ACVR2B: variants seen among roughly 807,000 people sequenced by gnomAD.
The protein encoded by ACVR2B is activin receptor type-2B.
Under a neutral mutation model 65.1 loss-of-function variants are expected in ACVR2B, and 18 were observed. That is an observed-to-expected ratio of 0.28 (90% CI 0.19 to 0.41). The LOEUF (loss-of-function observed/expected upper bound fraction) is 0.41, where lower values mean the gene tolerates loss of function less well. Among genes scored for constraint, ACVR2B ranks in the 10% least tolerant of loss-of-function variants. ACVR2B has a pLI of 1.00. For synonymous variants in ACVR2B, 298 were observed against 277.7 expected (o/e 1.07, Z -0.73); for missense variants, 482 against 682.7 (o/e 0.71, Z 3.28).
chr3:38,454,492 T>G, intron 1 of ACVR2B, 118 bp downstream of exon 1: 2 of 931,712 alleles, frequency 2.1e-6, no homozygotes, highest in Non-Finnish European at 2.8e-6. Flanking sequence ...CCACCTGTAT[T>G]CAGCCCTCAC....
chr3:38,469,183 G>GA (rs979474979), intron 1 of ACVR2B, among the ~76,000 whole-genome samples: 1 of 152,152 alleles, frequency 6.6e-6, no homozygotes, highest in Non-Finnish European at 1.5e-5. Context: ...AGAAATGCTG[G>GA]AAAAAGTATA....
intron 1 of ACVR2B, chr3:38,473,628 G>C (rs1709857157): frequency 6.6e-6 from 1 of 152,374 alleles, no homozygotes; most frequent in East Asian, 1.9e-4. Context: ...TGTAGGCATG[G>C]TGTGACTTGA....
In ACVR2B at chr3:38,478,156, C is replaced by G; in HGVS notation, c.386C>G (p.Pro129Arg). 2 of 1,612,170 alleles carry G rather than the reference C, an allele frequency of 1.2e-6. No homozygotes were observed. The highest frequency in any genetic ancestry group is 1.7e-6 in the Non-Finnish European group (2 of 1,179,816). Residue 129 changes from proline to arginine, a missense_variant, in exon 4 of 11, where the codon CCC becomes CGC. Transcript: ENST00000352511. ...TGTCCCCCAGTCACGTACGAGCCAC[C>G]CCCGACAGCCCCCACCCTGCTCACG... ...AGGPEVTYEP[P>R]PTAPTLLTVL...
chr3:38,470,105 G>A (rs1338890620), intron 1 of ACVR2B, among the ~76,000 whole-genome samples: 1 of 152,048 alleles, frequency 6.6e-6, no homozygotes, highest in African/African-American at 2.4e-5. Context: ...TAAGAGACTG[G>A]GCAGAATAAG....
intron 1 of ACVR2B, among the ~76,000 whole-genome samples, chr3:38,467,456 A>G (rs1216552540): frequency 6.6e-6 from 1 of 152,064 alleles, no homozygotes; most frequent in Non-Finnish European, 1.5e-5. Flanking sequence ...AAAAAAAAAA[A>G]AGGCAGACAA....
rs540158828 is a variant in ACVR2B at position 38,463,264 on chromosome 3, C to G, written c.52+8890C>G. On this transcript the variant is annotated intron_variant, in intron 1 of 10. Transcript: ENST00000352511. ...CGTGCAGACTCTGAAGAGACTAAGG[C>G]ACTTGTTGAAGGTCGCTGAAGAGCT... Among the ~76,000 whole-genome samples, 4 of 152,276 alleles carry G rather than the reference C, an allele frequency of 2.6e-5. No individual in the cohort carries two copies. In the South Asian group the frequency reaches 8.3e-4, roughly 32 times the overall value.
At chr3:38,463,289 T>C (rs1709678707) in intron 1 of ACVR2B, among the ~76,000 whole-genome samples, 2 of 152,186 alleles carry the variant, frequency 1.3e-5, no homozygotes, top group Non-Finnish European at 2.9e-5. Flanking sequence ...GCTGAAGAGC[T>C]CTGGGTAACA....
At chr3:38,461,172 A>G (rs911874077) in intron 1 of ACVR2B, among the ~76,000 whole-genome samples, 16 of 152,114 alleles carry the variant, frequency 1.1e-4, no homozygotes, top group Non-Finnish European at 2.1e-4. Context: ...CTTTTAATGA[A>G]TGTCCAGTGC....
chr3:38,461,773 A>G (rs1488316976), intron 1 of ACVR2B, among the ~76,000 whole-genome samples: 1 of 152,248 alleles, frequency 6.6e-6, no homozygotes, highest in Non-Finnish European at 1.5e-5. Context: ...TACAGATAAT[A>G]CTAGGGTCTC....
At chr3:38,472,095 T>A (rs1344529395) in intron 1 of ACVR2B, among the ~76,000 whole-genome samples, 1 of 152,196 alleles carries the variant, frequency 6.6e-6, no homozygotes, top group Non-Finnish European at 1.5e-5. Context: ...TGTGCATGTG[T>A]CAGTGTCTTT....
At chr3:38,478,066 C>T in intron 3 of ACVR2B, 75 bp from the exon 4 acceptor site, 1 of 1,597,252 alleles carries the variant, frequency 6.3e-7, no homozygotes, top group Non-Finnish European at 8.6e-7. Context: ...GGTGTGGCTA[C>T]AGGGCCCTGT....
chr3:38,464,549 C>G (rs1203731173), intron 1 of ACVR2B, among the ~76,000 whole-genome samples: 1 of 148,424 alleles, frequency 6.7e-6, no homozygotes, highest in Non-Finnish European at 1.5e-5. Context: ...TGCATGAGAA[C>G]AAAGGCCTAG....
At chr3:38,475,775 G>A (rs1048554724) in intron 1 of ACVR2B, 1 of 152,790 alleles carries the variant, frequency 6.5e-6, no homozygotes, top group African/African-American at 2.4e-5. Flanking sequence ...GTCAGGGCAG[G>A]GTTCGTGTTC....
At chr3:38,478,042 C>T (rs1188753657) in intron 3 of ACVR2B, 72 bp downstream of exon 3, 1 of 1,598,488 alleles carries the variant, frequency 6.3e-7, no homozygotes, top group African/African-American at 1.3e-5. Flanking sequence ...GCGCTTGGCT[C>T]CTCAGTTGGG....
At chr3:38,459,631 G>A in intron 1 of ACVR2B, 3 of 985,444 alleles carry the variant, frequency 3.0e-6, no homozygotes, top group Non-Finnish European at 3.6e-6. Context: ...CGCAGAGGCT[G>A]TGGGCCTGGA....
intron 1 of ACVR2B, chr3:38,454,584 C>A (rs1457926999): frequency 1.8e-5 from 7 of 386,028 alleles, no homozygotes; most frequent in Non-Finnish European, 3.1e-5. Flanking sequence ...CAGTCATCTG[C>A]GGGATTCTGG....
At chr3:38,473,837 C>T (rs944448718) in intron 1 of ACVR2B, 13 of 152,298 alleles carry the variant, frequency 8.5e-5, no homozygotes, top group African/African-American at 3.1e-4. Context: ...TCACGGCTGC[C>T]ATTTTTCGCT....
rs1472350869 is a variant in ACVR2B, at chr3:38,489,264, A to G, written c.*5932A>G. ...TTTAAAAAAATCGATAGTTCTACAT[A>G]TATATTTAGTTATATCACTTGACAG... On this transcript the variant is annotated 3_prime_UTR_variant, in exon 11 of 11. Transcript: ENST00000352511. 6.6e-6 allele frequency: 1 copy of G among 152,652 alleles called. No homozygotes were observed. Among genetic ancestry groups the G allele is most frequent in the African/African-American group, 2.4e-5 (1 of 41,466 alleles). 9.5% of individuals were successfully genotyped at this position (152,652 alleles called of 1,614,324 possible). A position where few individuals can be genotyped will look rare whatever the true frequency, so the allele number is the denominator to read the frequency against.
In ACVR2B at chr3:38,491,360, C is replaced by T. The variant is rs545537152; in HGVS notation, c.*8028C>T. ...GCAGTCCTGTAGACCTGCTGTTCCG[C>T]AGACCATGGGACACAAGGTCAGTGT... On this transcript the variant is annotated 3_prime_UTR_variant, in exon 11 of 11. Coordinates refer to ENST00000352511, the MANE Select transcript of ACVR2B (RefSeq NM_001106.4). 2.0e-5 allele frequency: 3 copies of T among 152,782 alleles called. No homozygotes were observed. Among genetic ancestry groups the T allele is most frequent in the Non-Finnish European group, 4.4e-5 (3 of 68,054 alleles). 9.5% of individuals were successfully genotyped at this position (152,782 alleles called of 1,614,324 possible).
Sources: gnomAD v4.1 joint callset for allele counts (sites outside exome capture counted in the v4.1 genomes callset) on GRCh38, gnomAD v4.1.1 for gene constraint, MANE v1.5 for transcripts, NCBI Gene and HGNC (gene_info 2026-07-23, HGNC 2026-07-21) for gene names.